Variants in FBXO10 observed in about 807,000 individuals in gnomAD.
The protein encoded by FBXO10 is F-box protein 10.
FBXO10 carries 39 observed loss-of-function variants against 80.7 expected under a neutral mutation model. That is an observed-to-expected ratio of 0.48 (90% confidence interval 0.37 to 0.63). The LOEUF is 0.63. Ranked by LOEUF, FBXO10 falls within the 30% of genes least tolerant of loss-of-function variation. The pLI, the probability that FBXO10 is intolerant of heterozygous loss-of-function variation, is 0.00. For missense variants in FBXO10, 1,025 were observed against 1,269.0 expected (o/e 0.81, Z 2.92); for synonymous variants, 449 against 489.6 (o/e 0.92, Z 1.09).
chr9:37,516,436 T>G (rs918066899), intron 9 of FBXO10, among the ~76,000 whole-genome samples: 1 of 152,196 alleles, frequency 6.6e-6, no homozygotes, highest in Non-Finnish European at 1.5e-5. Context: ...TCTCCCTTCC[T>G]CTGCTCCCAC....
intron 1 of FBXO10, among the ~76,000 whole-genome samples, chr9:37,571,542 G>A (rs944648484): frequency 6.6e-6 from 1 of 151,520 alleles, no homozygotes. Context: ...CCAGAAAACT[G>A]CAACTGCCCC....
chr9:37,541,271 C>G lies in FBXO10; in HGVS notation c.498G>C (p.Leu166=). 6.2e-7 allele frequency: 1 copy of G among 1,613,964 alleles called. No homozygotes were observed. The highest frequency in any genetic ancestry group is 8.5e-7 in the Non-Finnish European group (1 of 1,179,876). ...AGCAGTGCTGATCAATGCTGGCCAG[C>G]AGGGCCACTTCACCCAACTTCCCCT... ...VGQGKLGEVA[L]LASIDQHCST... Residue 166 remains leucine, a synonymous_variant, in exon 2 of 11, where the codon CTG becomes CTC. Transcript: ENST00000432825.
chr9:37,562,647 GAATA>G (rs1362953675), intron 1 of FBXO10, among the ~76,000 whole-genome samples: 2 of 152,146 alleles, frequency 1.3e-5, no homozygotes, highest in East Asian at 1.9e-4. Context: ...ATCATTTACT[GAATA>G]AATAATCACC....
chr9:37,518,099 C>T (rs749206853), intron 9 of FBXO10, 26 bp downstream of exon 9: 43 of 1,588,344 alleles, frequency 2.7e-5, no homozygotes, highest in Admixed American at 6.8e-5. Context: ...GGGCACCACA[C>T]GTCACACACA....
chr9:37,530,322 G>A (rs1440398403), intron 4 of FBXO10, among the ~76,000 whole-genome samples: 2 of 152,160 alleles, frequency 1.3e-5, no homozygotes, highest in African/African-American at 4.8e-5. Context: ...GATTTGGCAG[G>A]CTCATCAGAG....
chr9:37,513,174 G>A (rs1821106114), intron 10 of FBXO10, among the ~76,000 whole-genome samples: 1 of 152,122 alleles, frequency 6.6e-6, no homozygotes, highest in Non-Finnish European at 1.5e-5. Flanking sequence ...ATCATAGGGT[G>A]GTTGTTGTGA....
At chr9:37,517,985 G>T in intron 9 of FBXO10, 140 bp downstream of exon 9, 1 of 911,260 alleles carries the variant, frequency 1.1e-6, no homozygotes, top group Non-Finnish European at 1.6e-6. Context: ...ACATTTCCCA[G>T]GCTGAGTCCT....
intron 3 of FBXO10, among the ~76,000 whole-genome samples, chr9:37,535,203 C>A (rs1821727911): frequency 6.6e-6 from 1 of 152,108 alleles, no homozygotes; most frequent in Admixed American, 6.5e-5. Flanking sequence ...GATCGACCTC[C>A]TAAGAGCCAG....
intron 3 of FBXO10, among the ~76,000 whole-genome samples, chr9:37,536,247 A>G (rs1239638422): frequency 6.6e-6 from 1 of 152,210 alleles, no homozygotes; most frequent in Non-Finnish European, 1.5e-5. Context: ...GAGAGAAGAA[A>G]AATAGGGATG....
chr9:37,528,997 T>G (rs1588832550), intron 5 of FBXO10, 127 bp downstream of exon 5: 1 of 1,246,344 alleles, frequency 8.0e-7, no homozygotes. Context: ...GTTACTGGGG[T>G]GGGATGATGA....
At chr9:37,575,255 A>C (rs2119216255) in intron 1 of FBXO10, among the ~76,000 whole-genome samples, 1 of 152,290 alleles carries the variant, frequency 6.6e-6, no homozygotes, top group South Asian at 2.1e-4. Context: ...TAGGAACAAC[A>C]GGTTCATATG....
At chr9:37,554,513 CAAGA>C (rs915061662) in intron 1 of FBXO10, among the ~76,000 whole-genome samples, 1 of 152,140 alleles carries the variant, frequency 6.6e-6, no homozygotes, top group Non-Finnish European at 1.5e-5. Context: ...AACCCCCTAC[CAAGA>C]AATGGAATAC....
At position 37,522,571 on chromosome 9, in the gene FBXO10, C is replaced by T. The variant is rs539373467; in HGVS notation, c.1930+254G>A. 1.8e-4 allele frequency: 235 copies of T among 1,274,040 alleles called. 3 individuals are homozygous for T. In the South Asian group the frequency reaches 4.3e-3, roughly 23 times the overall value. 78.9% of individuals were successfully genotyped at this position (1,274,040 alleles called of 1,614,324 possible). On this transcript the variant is annotated intron_variant, in intron 7 of 10. Transcript: ENST00000432825. ...GTCCTGTCCTTAAGACATGACACAACTCCTGTCTTTTGCTATTTTAAAAGG... is the reference window on the plus strand; with the variant it reads ...GTCCTGTCCTTAAGACATGACACAATTCCTGTCTTTTGCTATTTTAAAAGG...
chr9:37,528,206 A>G (rs141059696), intron 5 of FBXO10, among the ~76,000 whole-genome samples: 26 of 152,318 alleles, frequency 1.7e-4, no homozygotes, highest in African/African-American at 6.3e-4. Context: ...TGGTCTACAT[A>G]AGGCCTTCCT....
chr9:37,573,076 T>TA (rs1822800937), intron 1 of FBXO10, among the ~76,000 whole-genome samples: 3 of 152,182 alleles, frequency 2.0e-5, no homozygotes, highest in African/African-American at 7.2e-5. Context: ...CTGGGGTAGC[T>TA]ATCTTGTTGA....
intron 9 of FBXO10, among the ~76,000 whole-genome samples, chr9:37,517,089 T>TA (rs1324910826): frequency 6.6e-6 from 1 of 152,148 alleles, no homozygotes; most frequent in East Asian, 1.9e-4. Flanking sequence ...CTAAGAGAAG[T>TA]AACTCAGAAA....
Position 37,535,345 on chromosome 9 carries a change from CTTT to C in FBXO10, c.1419+1762_1419+1764del, listed in dbSNP as rs200212336. ...AAGAAAATCACAGTCGGTGACACTT[CTTT>C]TTTTTTATTTTTTTTTTGGAGACGG... On this transcript the variant is annotated intron_variant, in intron 3 of 10. Transcript: ENST00000432825. Among the ~76,000 whole-genome samples, 15 of 147,974 alleles carry C rather than the reference CTTT, an allele frequency of 1.0e-4. No individual in the cohort carries two copies. In the East Asian group the frequency reaches 1.6e-3, roughly 15 times the overall value.
intron 1 of FBXO10, among the ~76,000 whole-genome samples, chr9:37,566,538 T>A (rs550863950): frequency 2.0e-5 from 3 of 148,526 alleles, no homozygotes; most frequent in Non-Finnish European, 4.5e-5. Flanking sequence ...AAAGAAAAAA[T>A]TTCTCTTCCA....
intron 1 of FBXO10, among the ~76,000 whole-genome samples, chr9:37,561,749 C>G (rs1010733880): frequency 6.6e-6 from 1 of 152,154 alleles, no homozygotes; most frequent in Non-Finnish European, 1.5e-5. Context: ...CCTTCAGAGA[C>G]AGACAATAAA....
Sources: allele counts gnomAD v4.1 joint callset (sites outside exome capture counted in the v4.1 genomes callset), GRCh38; gene constraint gnomAD v4.1.1; transcripts MANE v1.5; gene names NCBI Gene and HGNC (gene_info 2026-07-23, HGNC 2026-07-21).